ZNF469: variants seen among roughly 807,000 people sequenced by gnomAD.
ZNF469 encodes zinc finger protein 469.
A neutral mutation model predicts 1.0 loss-of-function variants in ZNF469; 1 was observed. The observed-to-expected ratio is 1.00, with a 90% CI of 0.35 to 4.73. ZNF469 has a LOEUF of 4.73. Ranked by LOEUF, ZNF469 falls within the 30% of genes most tolerant of loss-of-function variation. The pLI, the probability that ZNF469 is intolerant of heterozygous loss-of-function variation, is 0.16. For synonymous variants in ZNF469, 2,703 were observed against 2,363.4 expected (o/e 1.14, Z -4.17); for missense variants, 6,100 against 5,356.3 (o/e 1.14, Z -4.33).
At chr16:88,189,707 G>C in the ZNF469 span, among the ~76,000 whole-genome samples, 1 of 152,200 alleles carries the variant, frequency 6.6e-6, no homozygotes, top group Non-Finnish European at 1.5e-5. The surrounding 1 kb of genome is among the most constrained non-coding windows in gnomAD (Gnocchi z 4.3). Context: ...ATCACCTGAG[G>C]TCAGGAGTTG....
At chr16:88,301,076 GA>G in the ZNF469 span, among the ~76,000 whole-genome samples, 1 of 152,098 alleles carries the variant, frequency 6.6e-6, no homozygotes, top group South Asian at 2.1e-4. Context: ...AAAAAAGAAA[GA>G]AAAGAAAAGA....
At chr16:88,123,715 GT>G in the ZNF469 span, among the ~76,000 whole-genome samples, 1 of 152,134 alleles carries the variant, frequency 6.6e-6, no homozygotes, top group Non-Finnish European at 1.5e-5. Context: ...TATTTTTCTA[GT>G]TTTTTCATTT....
At chr16:88,257,034 C>T in the ZNF469 span, among the ~76,000 whole-genome samples, 37 of 150,024 alleles carry the variant, frequency 2.5e-4, no homozygotes, top group South Asian at 1.3e-3. Flanking sequence ...CTGCAACCTC[C>T]GCCTCCTAGG....
the ZNF469 span, among the ~76,000 whole-genome samples, chr16:88,143,730 G>A: frequency 1.3e-5 from 2 of 152,242 alleles, no homozygotes; most frequent in South Asian, 4.1e-4. Context: ...TTAAGGGAAC[G>A]TTGTGAACAA....
the ZNF469 span, among the ~76,000 whole-genome samples, chr16:88,159,126 ATT>A: frequency 3.3e-3 from 39 of 11,940 alleles, no homozygotes; most frequent in South Asian, 0.011. Context: ...TGTGCAGACC[ATT>A]CTCACCGTCC....
At chr16:88,181,793 A>G in the ZNF469 span, among the ~76,000 whole-genome samples, 2 of 152,240 alleles carry the variant, frequency 1.3e-5, no homozygotes, top group Non-Finnish European at 2.9e-5. Context: ...AAAAGAAAGA[A>G]TATGATAATG....
intron 1 of ZNF469, among the ~76,000 whole-genome samples, chr16:88,410,147 C>T (rs1210602697): frequency 1.3e-5 from 2 of 152,098 alleles, no homozygotes; most frequent in South Asian, 2.1e-4. Flanking sequence ...CAACTGTTCA[C>T]GGAGAAGTTC....
chr16:88,247,778 T>C, the ZNF469 span, among the ~76,000 whole-genome samples: 1 of 151,934 alleles, frequency 6.6e-6, no homozygotes, highest in Non-Finnish European at 1.5e-5. Context: ...AGTCAGTGAA[T>C]GAGGGAGTGA....
chr16:88,158,792 G>T, the ZNF469 span, among the ~76,000 whole-genome samples: 3 of 152,206 alleles, frequency 2.0e-5, no homozygotes, highest in Admixed American at 6.5e-5. Context: ...GTGCAGACAG[G>T]ACTGGGGTCT....
chr16:88,131,418 C>A, the ZNF469 span, among the ~76,000 whole-genome samples: 20,573 of 139,392 alleles, frequency 0.15, 2,632 homozygotes, highest in East Asian at 0.46. Flanking sequence ...TTTGTTAGAA[C>A]CTCTCGGCTT....
the ZNF469 span, among the ~76,000 whole-genome samples, chr16:88,211,541 G>A: frequency 3.9e-5 from 6 of 152,006 alleles, no homozygotes; most frequent in African/African-American, 9.7e-5. Flanking sequence ...CCTGGGTCCT[G>A]TAACAAAGAC....
the ZNF469 span, among the ~76,000 whole-genome samples, chr16:88,373,420 C>T: frequency 6.6e-6 from 1 of 152,268 alleles, no homozygotes; most frequent in East Asian, 1.9e-4. Flanking sequence ...CAGGATGAGA[C>T]AGCTGGGCTG....
chr16:88,337,241 A>G, the ZNF469 span, among the ~76,000 whole-genome samples: 1 of 152,150 alleles, frequency 6.6e-6, no homozygotes, highest in South Asian at 2.1e-4. Context: ...AGCAGGAGGT[A>G]ACTGAATCAT....
At chr16:88,354,686 C>T in the ZNF469 span, among the ~76,000 whole-genome samples, 15 of 152,300 alleles carry the variant, frequency 9.8e-5, no homozygotes, top group South Asian at 6.2e-4. Flanking sequence ...TGTGTCTAAA[C>T]GCTCTTTGAA....
the ZNF469 span, among the ~76,000 whole-genome samples, chr16:88,364,691 C>T: frequency 6.6e-6 from 1 of 152,148 alleles, no homozygotes; most frequent in Admixed American, 6.5e-5. Context: ...AGACTGGGCG[C>T]AGTGAGTCAC....
the ZNF469 span, among the ~76,000 whole-genome samples, chr16:88,249,226 T>TAAAAA: frequency 2.8e-5 from 4 of 142,968 alleles, no homozygotes; most frequent in Non-Finnish European, 6.1e-5. Context: ...AGCTTCTGTT[T>TAAAAA]AAAAAAAAAA....
At chr16:88,323,961 G>A in the ZNF469 span, among the ~76,000 whole-genome samples, 1 of 152,156 alleles carries the variant, frequency 6.6e-6, no homozygotes, top group East Asian at 1.9e-4. Context: ...CCAGAACTTA[G>A]TGGCTAAAAC....
the ZNF469 span, among the ~76,000 whole-genome samples, chr16:88,226,530 T>C: frequency 2.0e-5 from 3 of 151,900 alleles, no homozygotes; most frequent in East Asian, 1.9e-4. Context: ...ACCTCCGGAG[T>C]TGGGAGAGAG....
chr16:88,309,149 G>T, the ZNF469 span, among the ~76,000 whole-genome samples: 4 of 152,206 alleles, frequency 2.6e-5, no homozygotes, highest in African/African-American at 9.7e-5. Flanking sequence ...ATCCTGCCCT[G>T]TGCGTGTTGC....
Sources: gnomAD v4.1 joint callset for allele counts (sites outside exome capture counted in the v4.1 genomes callset) on GRCh38, gnomAD v4.1.1 for gene constraint, Gnocchi (gnomAD v3.1) non-coding constraint, MANE v1.5 for transcripts, NCBI Gene and HGNC (gene_info 2026-07-23, HGNC 2026-07-21) for gene names.